UHRF1: variants seen among roughly 807,000 people sequenced by gnomAD.
The protein encoded by UHRF1 is ubiquitin like with PHD and ring finger domains 1.
A neutral mutation model predicts 96.5 loss-of-function variants in UHRF1; 9 were observed. That is an observed-to-expected ratio of 0.09 (90% CI 0.06 to 0.16). UHRF1 has a LOEUF of 0.16. Ranked by LOEUF, UHRF1 falls within the 10% of genes least tolerant of loss-of-function variation. The probability of loss-of-function intolerance (pLI) is 1.00; values close to 1 mark genes in which losing one functional copy is unlikely to be tolerated. For missense variants in UHRF1, 626 were observed against 1,131.1 expected, an observed-to-expected ratio of 0.55 and a Z score of 6.40; for synonymous variants, 455 against 469.9, an observed-to-expected ratio of 0.97 and a Z score of 0.41.
At chr19:4,919,573 A>G (rs1201315584) in intron 2 of UHRF1, among the ~76,000 whole-genome samples, 1 of 152,082 alleles carries the variant, frequency 6.6e-6, no homozygotes, top group African/African-American at 2.4e-5. Context: ...AAGTGCTGGG[A>G]TTACAGGTGT....
At chr19:4,931,382 T>G (rs1197183634) in intron 4 of UHRF1, among the ~76,000 whole-genome samples, 1 of 152,238 alleles carries the variant, frequency 6.6e-6, no homozygotes, top group Non-Finnish European at 1.5e-5. Context: ...ATTCAAGCGA[T>G]TCTCCTGCCT....
At chr19:4,943,118 T>A (rs1000174559) in intron 7 of UHRF1, among the ~76,000 whole-genome samples, 1 of 151,134 alleles carries the variant, frequency 6.6e-6, no homozygotes, top group South Asian at 2.1e-4. Context: ...CACGCGCCTG[T>A]AATCCCAGCT....
intron 16 of UHRF1, among the ~76,000 whole-genome samples, chr19:4,959,040 C>A (rs2033927098): frequency 6.7e-6 from 1 of 148,588 alleles, no homozygotes; most frequent in African/African-American, 2.5e-5. Flanking sequence ...TGCAGTGGTG[C>A]CATCATAGCT....
At chr19:4,950,529 C>A in intron 11 of UHRF1, 82 bp from the exon 12 acceptor site, 1 of 1,472,060 alleles carries the variant, frequency 6.8e-7, no homozygotes, top group Non-Finnish European at 9.1e-7. Context: ...CAGGCCTGAG[C>A]CACCACTCCC....
Position 4,958,307 on chromosome 19 carries a change from T to C in UHRF1, c.2235+1494T>C, listed in dbSNP as rs201575345. 1.3e-4 allele frequency among the ~76,000 whole-genome samples: 20 copies of C among 152,318 alleles called. No homozygotes were observed. In the East Asian group the frequency reaches 2.9e-3, roughly 22 times the overall value. ...AGGCACTAATCCCTCCAAGCCTCAG[T>C]TGGCCACAGTGAGAAGGGGCCTGGT... On this transcript the variant is annotated intron_variant, in intron 16 of 16. Coordinates refer to ENST00000650932, the MANE Select transcript of UHRF1 (RefSeq NM_001048201.3).
At chr19:4,923,344 C>T (rs1407513426) in intron 2 of UHRF1, among the ~76,000 whole-genome samples, 2 of 152,106 alleles carry the variant, frequency 1.3e-5, no homozygotes, top group African/African-American at 4.8e-5. Flanking sequence ...CCCCAGCCAC[C>T]CTGCTGGCTG....
Position 4,934,325 on chromosome 19 carries a change from C to T in UHRF1, c.785+1369C>T, listed in dbSNP as rs150857762. On this transcript the variant is annotated intron_variant, in intron 5 of 16. Transcript: ENST00000650932. ...CTGGGATTACAGGCATGAGCCACTG[C>T]GCCCGGCCAAAAATTTACCATTGGA... 1.9e-3 allele frequency among the ~76,000 whole-genome samples: 288 copies of T among 152,286 alleles called. 2 individuals carry two copies. The highest frequency in any genetic ancestry group is 6.3e-3 in the African/African-American group (264 of 41,576).
intron 10 of UHRF1, among the ~76,000 whole-genome samples, chr19:4,946,504 C>T (rs2145189918): frequency 6.6e-6 from 1 of 152,212 alleles, no homozygotes; most frequent in African/African-American, 2.4e-5. Flanking sequence ...ATCTCCAGCC[C>T]CCGTTTTCCA....
intron 5 of UHRF1, among the ~76,000 whole-genome samples, chr19:4,937,564 A>AG (rs879435432): frequency 4.6e-5 from 7 of 151,994 alleles, no homozygotes; most frequent in Non-Finnish European, 1.0e-4. Context: ...GGGTTTCTCC[A>AG]TGTTGGCCAG....
chr19:4,928,915 A>G lies in UHRF1; in HGVS notation c.154-307A>G, dbSNP rs118028488. ...CTGCCGTAAGCACGAAGTATTAGGA[A>G]AAACTCCCAAGACCCCCATGTGTGC... On this transcript the variant is annotated intron_variant, in intron 2 of 16. Coordinates refer to ENST00000650932, the MANE Select transcript of UHRF1 (RefSeq NM_001048201.3). 1.5e-3 allele frequency among the ~76,000 whole-genome samples: 227 copies of G among 152,304 alleles called. 2 individuals carry two copies. The East Asian group carries it at 0.041, about 27-fold the overall frequency.
At chr19:4,934,280 C>T (rs2602696) in intron 5 of UHRF1, among the ~76,000 whole-genome samples, 27,274 of 151,962 alleles carry the variant, frequency 0.18, 2,611 homozygotes, top group Middle Eastern at 0.28. Flanking sequence ...GTGATTCGCC[C>T]GCCTCAGCCT....
At chr19:4,946,300 C>G (rs887124281) in intron 10 of UHRF1, among the ~76,000 whole-genome samples, 10 of 152,060 alleles carry the variant, frequency 6.6e-5, no homozygotes, top group African/African-American at 2.4e-4. Context: ...ATGCCTGGCT[C>G]CTCTCACTGA....
At chr19:4,938,729 G>GTTT (rs1568421911) in intron 5 of UHRF1, among the ~76,000 whole-genome samples, 4 of 73,940 alleles carry the variant, frequency 5.4e-5, no homozygotes, top group African/African-American at 2.3e-4. Flanking sequence ...GTTTTGGTCA[G>GTTT]GTTTTTTTTT....
chr19:4,909,500 C>CA (rs1250979785), upstream of UHRF1: 2 of 656,446 alleles, frequency 3.0e-6, no homozygotes, highest in East Asian at 6.4e-5. Flanking sequence ...GGAAAAAAAT[C>CA]AGAGCAGCTG....
intron 4 of UHRF1, among the ~76,000 whole-genome samples, chr19:4,931,269 ATGG>A: frequency 1.3e-5 from 2 of 152,262 alleles, no homozygotes; most frequent in East Asian, 3.9e-4. Flanking sequence ...GTGGACACAG[ATGG>A]TGGCTGCGTC....
At chr19:4,908,505 C>T (rs1185831162), upstream of UHRF1, among the ~76,000 whole-genome samples, 1 of 152,084 alleles carries the variant, frequency 6.6e-6, no homozygotes, top group African/African-American at 2.4e-5. Flanking sequence ...CACACCAGCC[C>T]CTTCCTGCTC....
chr19:4,951,705 A>AG (rs1568181892), intron 13 of UHRF1, among the ~76,000 whole-genome samples: 2 of 151,790 alleles, frequency 1.3e-5, no homozygotes, highest in Admixed American at 1.3e-4. Context: ...ACAAAAAAAA[A>AG]AAAAAAAAAG....
intron 5 of UHRF1, among the ~76,000 whole-genome samples, chr19:4,935,653 G>C (rs1343326183): frequency 4.6e-5 from 7 of 151,986 alleles, no homozygotes; most frequent in South Asian, 4.2e-4. Flanking sequence ...TGTCAAGCTA[G>C]CAAGGGAGGT....
chr19:4,915,218 G>A (rs1234162024), intron 2 of UHRF1, among the ~76,000 whole-genome samples: 3 of 152,224 alleles, frequency 2.0e-5, no homozygotes, highest in African/African-American at 7.2e-5. Context: ...CCCCCTTGCA[G>A]AGACCTGCCC....
Sources: gnomAD v4.1 joint callset for allele counts (sites outside exome capture counted in the v4.1 genomes callset) on GRCh38, gnomAD v4.1.1 for gene constraint, MANE v1.5 for transcripts, NCBI Gene and HGNC (gene_info 2026-07-23, HGNC 2026-07-21) for gene names.